TAF4B: variants seen among roughly 807,000 people sequenced by gnomAD.
TAF4B encodes the protein transcription initiation factor TFIID subunit 4B.
A neutral mutation model predicts 86.4 loss-of-function variants in TAF4B; 38 were observed. The ratio of observed to expected loss-of-function variants is 0.44; its 90% CI spans 0.34 to 0.58. The LOEUF (loss-of-function observed/expected upper bound fraction) is 0.58. Among genes scored for constraint, TAF4B ranks in the 20% least tolerant of loss-of-function variants. The pLI is 0.02. For missense variants in TAF4B, 988 were observed against 1,027.6 expected (o/e 0.96, Z 0.53); for synonymous variants, 388 against 391.2 (o/e 0.99, Z 0.10).
At chr18:26,348,259 TAAG>T (rs2057216728) in intron 13 of TAF4B, 2 of 152,250 alleles carry the variant, frequency 1.3e-5, no homozygotes, top group East Asian at 3.9e-4. Context: ...AAATCAATAA[TAAG>T]AGGAATATTA....
chr18:26,285,222 G>GTTTTTGTTTTTTTTTTTTTTTT, intron 6 of TAF4B, among the ~76,000 whole-genome samples: 25 of 45,690 alleles, frequency 5.5e-4, no homozygotes, highest in African/African-American at 6.9e-4. Flanking sequence ...TTTTTTTTTT[G>GTTTTTGTTTTTTTTTTTTTTTT]TTTTTTTTTT....
intron 14 of TAF4B, among the ~76,000 whole-genome samples, chr18:26,373,307 A>G (rs980118113): frequency 1.3e-5 from 2 of 152,130 alleles, no homozygotes; most frequent in African/African-American, 4.8e-5. Flanking sequence ...TGTGGAATCT[A>G]TCTCCCACTT....
Position 26,389,926 on chromosome 18 carries a change from A to G in TAF4B, c.2503A>G (p.Ile835Val), listed in dbSNP as rs1482450045. 1 of 1,614,166 alleles carries G rather than the reference A, an allele frequency of 6.2e-7. No homozygotes were observed. Among genetic ancestry groups the G allele is most frequent in the East Asian group, 2.2e-5 (1 of 44,886 alleles). The change falls in exon 15 of 15, where the codon ATC becomes GTC. Residue 835 changes from isoleucine (I) to valine (V), a missense_variant. Transcript: ENST00000269142. The stretch of plus-strand genomic sequence containing the variant: ...GTTGCATCGTCCAAGAATCACGAGA[A>G]TCTGCCTCAGGGACTTGATATTTTG... ...KQLHRPRITR[I>V]CLRDLIFCME...
chr18:26,360,998 AT>A (rs1300354551), intron 14 of TAF4B, among the ~76,000 whole-genome samples: 1 of 152,112 alleles, frequency 6.6e-6, no homozygotes, highest in Non-Finnish European at 1.5e-5. Context: ...TGGCCACTAT[AT>A]TGGGCAGCAC....
intron 14 of TAF4B, among the ~76,000 whole-genome samples, chr18:26,361,955 G>A (rs2057336122): frequency 6.6e-6 from 1 of 151,868 alleles, no homozygotes; most frequent in South Asian, 2.1e-4. Context: ...TGCTTTGTTA[G>A]CATACATTTT....
chr18:26,345,754 A>G (rs1029427348), intron 13 of TAF4B, among the ~76,000 whole-genome samples: 2 of 152,232 alleles, frequency 1.3e-5, no homozygotes, highest in African/African-American at 4.8e-5. Context: ...GTGTAGGGAT[A>G]CATCAAACAT....
At chr18:26,371,099 C>T (rs933514299) in intron 14 of TAF4B, among the ~76,000 whole-genome samples, 6 of 151,752 alleles carry the variant, frequency 4.0e-5, no homozygotes, top group African/African-American at 1.5e-4. Flanking sequence ...ATAAGTGAGG[C>T]AGATTTGTTC....
chr18:26,280,843 T>G (rs2056439724), intron 5 of TAF4B, among the ~76,000 whole-genome samples: 1 of 152,158 alleles, frequency 6.6e-6, no homozygotes. Context: ...AAAAGACATA[T>G]GCACTTGTAT....
Position 26,276,017 on chromosome 18 carries a change from A to G in TAF4B, c.882+964A>G, listed in dbSNP as rs867044030. On this transcript the variant is annotated intron_variant, in intron 5 of 14. Transcript: ENST00000269142. ...GGCAACAGAGCAAGACTCTGTCTCAAAAAAAAAAAAAAAAAGAAAAGAAAA... is the reference window on the plus strand; with the variant it reads ...GGCAACAGAGCAAGACTCTGTCTCAGAAAAAAAAAAAAAAAGAAAAGAAAA... 9.6e-3 allele frequency among the ~76,000 whole-genome samples: 1,401 copies of G among 145,934 alleles called. 21 individuals carry two copies. Among genetic ancestry groups the G allele is most frequent in the African/African-American group, 0.034 (1,344 of 39,818 alleles).
intron 9 of TAF4B, among the ~76,000 whole-genome samples, chr18:26,297,134 TAAA>T (rs34976057): frequency 4.3e-5 from 6 of 138,346 alleles, no homozygotes; most frequent in African/African-American, 1.3e-4. Flanking sequence ...ACTGTCTCAT[TAAA>T]AAAAAAAAAA....
chr18:26,285,787 T>G (rs2144594980), intron 6 of TAF4B, 95 bp from the exon 7 acceptor site: 2 of 1,401,448 alleles, frequency 1.4e-6, no homozygotes, highest in Non-Finnish European at 1.9e-6. Context: ...ACACTTTTGA[T>G]TGGTTTTAAG....
intron 13 of TAF4B, among the ~76,000 whole-genome samples, chr18:26,355,288 A>G (rs1168566943): frequency 1.3e-5 from 2 of 152,106 alleles, no homozygotes; most frequent in African/African-American, 4.8e-5. Context: ...TTATATATAG[A>G]TAACTTGGGG....
chr18:26,285,210 C>CTTTTTTTTTTGTTTTT (rs2056496547), intron 6 of TAF4B, among the ~76,000 whole-genome samples: 1 of 42,516 alleles, frequency 2.4e-5, no homozygotes, highest in African/African-American at 8.0e-5. Context: ...TCTTCCTTTC[C>CTTTTTTTTTTGTTTTT]TTTTTTTTTT....
intron 9 of TAF4B, among the ~76,000 whole-genome samples, chr18:26,296,636 G>A (rs1022728148): frequency 3.3e-5 from 5 of 151,980 alleles, no homozygotes; most frequent in African/African-American, 1.2e-4. Context: ...TTGACAAAAA[G>A]CTAAACCCAT....
chr18:26,387,685 G>A lies in TAF4B; in HGVS notation c.2422-2160G>A, dbSNP rs1056674763. Among the ~76,000 whole-genome samples, 4 of 152,050 alleles carry A rather than the reference G, an allele frequency of 2.6e-5. No individual in the cohort carries two copies. In the East Asian group the frequency reaches 7.7e-4, roughly 29 times the overall value. ...GAGAGACTGGCTCTATACTGTAGAT[G>A]GGCTCTGGGATAAGTAGCCGAACAA... is the stretch of plus-strand genomic sequence containing the variant. On this transcript the variant is annotated intron_variant, in intron 14 of 14. Transcript: ENST00000269142.
chr18:26,336,178 G>A (rs1242794883), intron 13 of TAF4B, among the ~76,000 whole-genome samples: 1 of 152,132 alleles, frequency 6.6e-6, no homozygotes, highest in African/African-American at 2.4e-5. Flanking sequence ...ATATGGAGCT[G>A]AAGAAATTGG....
chr18:26,319,323 C>G (rs1172263110), intron 10 of TAF4B, among the ~76,000 whole-genome samples: 1 of 151,842 alleles, frequency 6.6e-6, no homozygotes, highest in Non-Finnish European at 1.5e-5. Context: ...GAAACGCCAT[C>G]TCTACTAAAA....
intron 9 of TAF4B, among the ~76,000 whole-genome samples, chr18:26,308,984 A>G (rs897635349): frequency 6.6e-6 from 1 of 151,932 alleles, no homozygotes; most frequent in African/African-American, 2.4e-5. Context: ...AATATTTCCT[A>G]GTATACTATA....
At chr18:26,301,262 C>T (rs2056728395) in intron 9 of TAF4B, among the ~76,000 whole-genome samples, 1 of 150,928 alleles carries the variant, frequency 6.6e-6, no homozygotes, top group Non-Finnish European at 1.5e-5. Context: ...TTATTGTGTG[C>T]ATGTGTGGTT....
Sources: gnomAD v4.1 joint callset for allele counts (sites outside exome capture counted in the v4.1 genomes callset) on GRCh38, gnomAD v4.1.1 for gene constraint, MANE v1.5 for transcripts, NCBI Gene and HGNC (gene_info 2026-07-23, HGNC 2026-07-21) for gene names.